The following PEX11G variants were observed in gnomAD, a reference collection of about 807,000 sequenced individuals.
PEX11G encodes the protein peroxisomal membrane protein 11C.
In PEX11G, 20 loss-of-function variants were observed where a neutral mutation model predicts 22.5. That is an observed-to-expected ratio of 0.89 (90% CI 0.62 to 1.29). The LOEUF (loss-of-function observed/expected upper bound fraction) is 1.29. PEX11G is among the 50% of genes most tolerant of loss of function. PEX11G has a pLI of 0.00. For synonymous variants in PEX11G, 141 were observed against 154.5 expected, an observed-to-expected ratio of 0.91 and a Z score of 0.65; for missense variants, 347 against 331.3, an observed-to-expected ratio of 1.05 and a Z score of -0.37.
At chr19:7,489,851 C>CTTTTTTTT (rs55711330), upstream of PEX11G, among the ~76,000 whole-genome samples, 2 of 143,858 alleles carry the variant, frequency 1.4e-5, no homozygotes, top group Non-Finnish European at 1.5e-5. Context: ...CTGGAGACGT[C>CTTTTTTTT]TTTTTTTTTT....
At chr19:7,488,245 C>T (rs2021752030) in intron 1 of PEX11G, among the ~76,000 whole-genome samples, 1 of 152,206 alleles carries the variant, frequency 6.6e-6, no homozygotes, top group African/African-American at 2.4e-5. Flanking sequence ...TGTTGGAACC[C>T]ATCGCTGCTT....
chr19:7,485,942 G>T lies in PEX11G; in HGVS notation c.145C>A (p.Leu49Met), dbSNP rs139507247. The T allele has an allele frequency of 6.2e-7, 1 of 1,613,416 alleles. No individual in the cohort carries two copies. Among genetic ancestry groups the T allele is most frequent in the East Asian group, 2.2e-5 (1 of 44,850 alleles). Residue 49 changes from leucine (L) to methionine (M), a missense_variant, in exon 2 of 5, where the codon CTG becomes ATG. Physicochemically the swap from Leu to Met is conservative, Grantham distance 15. Coordinates refer to ENST00000221480, the MANE Select transcript of PEX11G (RefSeq NM_080662.4). Reference protein sequence around the residue: ...CPARSEVGTRLLVVSTQLSHC... With the variant: ...CPARSEVGTRMLVVSTQLSHC... ...CTGAGTTGGGTGGACACCACCAACA[G>T]ACGTGTCCCCACTTCGGACCTGGCG...
intron 2 of PEX11G, among the ~76,000 whole-genome samples, chr19:7,484,645 T>C (rs2021553942): frequency 6.6e-6 from 1 of 151,322 alleles, no homozygotes; most frequent in African/African-American, 2.4e-5. Context: ...TGGTGGGGGG[T>C]GCCTGTAATC....
upstream of PEX11G, among the ~76,000 whole-genome samples, chr19:7,490,699 C>A (rs1049383493): frequency 8.3e-6 from 1 of 120,492 alleles, no homozygotes; most frequent in African/African-American, 3.3e-5. Context: ...CTGGGAGGAA[C>A]CAAATTTGTA....
chr19:7,480,465 C>T (rs1166365573), intron 3 of PEX11G, among the ~76,000 whole-genome samples: 3 of 152,130 alleles, frequency 2.0e-5, no homozygotes, highest in Non-Finnish European at 2.9e-5. Context: ...GCACAGACAC[C>T]GCTGCCTCCA....
Position 7,477,251 on chromosome 19 carries a change from A to G in PEX11G, c.677T>C (p.Met226Thr). The G allele has an allele frequency of 6.3e-7, 1 of 1,577,648 alleles. No homozygotes were observed. The highest frequency in any genetic ancestry group is 1.9e-5 in the Admixed American group (1 of 52,892). Residue 226 changes from methionine (M) to threonine (T), a missense_variant, in exon 5 of 5, where the codon ATG (methionine) becomes ACG (threonine). Transcript: ENST00000221480. ...LMGTISSILSMYQAARAGGQA... is the reference protein window; with the variant it reads ...LMGTISSILSTYQAARAGGQA... Reference sequence around the variant, plus strand: ...GCCGCCGGCCCGGGCCGCCTGGTACATGCTGAGGATTGAGGAGATGGTGCC... The same window carrying G: ...GCCGCCGGCCCGGGCCGCCTGGTACGTGCTGAGGATTGAGGAGATGGTGCC...
At chr19:7,486,928 T>C (rs374561750) in intron 1 of PEX11G, among the ~76,000 whole-genome samples, 14 of 152,140 alleles carry the variant, frequency 9.2e-5, no homozygotes, top group East Asian at 5.8e-4. Context: ...TAACAGGGCA[T>C]GGTGGTTACT....
chr19:7,492,499 A>C (rs942770439), upstream of PEX11G, among the ~76,000 whole-genome samples: 3 of 151,860 alleles, frequency 2.0e-5, no homozygotes, highest in African/African-American at 4.8e-5. Flanking sequence ...GCTGGAGTGC[A>C]GTGCTGATCT....
At chr19:7,489,109 G>C (rs1249148578), upstream of PEX11G, 1 of 1,329,052 alleles carries the variant, frequency 7.5e-7, no homozygotes, top group Non-Finnish European at 9.7e-7. Context: ...GCGCAGGCGC[G>C]GCCGCAGGCC....
At chr19:7,478,193 C>T in intron 4 of PEX11G, 121 bp downstream of exon 4, 1 of 1,048,642 alleles carries the variant, frequency 9.5e-7, no homozygotes. Context: ...GCTGTGATGA[C>T]TCCCCCATGA....
chr19:7,480,767 G>A (rs1282462486), intron 3 of PEX11G, among the ~76,000 whole-genome samples: 1 of 152,170 alleles, frequency 6.6e-6, no homozygotes, highest in Non-Finnish European at 1.5e-5. Flanking sequence ...GCCTGAGGCT[G>A]GGGGCAGCCG....
chr19:7,477,817 G>A (rs192691862), intron 4 of PEX11G, among the ~76,000 whole-genome samples: 19 of 152,322 alleles, frequency 1.2e-4, no homozygotes, highest in East Asian at 5.8e-4. Context: ...ACACAGTGAC[G>A]ATAAGCCTGG....
chr19:7,488,875 C>G, intron 1 of PEX11G, 76 bp downstream of exon 1: 1 of 1,480,386 alleles, frequency 6.8e-7, no homozygotes, highest in Admixed American at 2.0e-5. Flanking sequence ...ACCCCGTCCC[C>G]TCTCTGGCCC....
chr19:7,481,934 G>T (rs1010822701), intron 3 of PEX11G, 99 bp downstream of exon 3: 2 of 1,218,658 alleles, frequency 1.6e-6, no homozygotes, highest in Non-Finnish European at 1.1e-6. Flanking sequence ...AAGACCCACC[G>T]CAGTCTGAAG....
At position 7,487,603 on chromosome 19, in the gene PEX11G, G is replaced by C. The variant is rs569053118; in HGVS notation, c.60+1348C>G. On this transcript the variant is annotated intron_variant, in intron 1 of 4. Transcript: ENST00000221480. Reference sequence around the variant, plus strand: ...ACATCCGGCTAATTTTTGTATTTTAGTAGAGACGAGGTTTCATCACTTTTC... The same window carrying C: ...ACATCCGGCTAATTTTTGTATTTTACTAGAGACGAGGTTTCATCACTTTTC... Among the ~76,000 whole-genome samples, 4 of 152,160 alleles carry C rather than the reference G, an allele frequency of 2.6e-5. No individual in the cohort carries two copies. In the East Asian group the frequency reaches 5.8e-4, roughly 22 times the overall value.
intron 2 of PEX11G, among the ~76,000 whole-genome samples, chr19:7,483,040 C>A (rs1033687212): frequency 6.6e-6 from 1 of 152,282 alleles, no homozygotes; most frequent in South Asian, 2.1e-4. Context: ...GGGACTGGAG[C>A]CCCGCAGCCA....
chr19:7,485,266 G>A (rs1200813029), intron 2 of PEX11G, among the ~76,000 whole-genome samples: 1 of 152,190 alleles, frequency 6.6e-6, no homozygotes. Flanking sequence ...CACCTCCCAG[G>A]TTCAAGTGAT....
In PEX11G at chr19:7,478,357, TCAG is replaced by T; in HGVS notation, c.445_447del (p.Leu149del). 1 of 1,611,206 alleles carries T rather than the reference TCAG, an allele frequency of 6.2e-7. No homozygotes were observed. The highest frequency in any genetic ancestry group is 8.5e-7 in the Non-Finnish European group (1 of 1,179,452). On this transcript the variant is annotated inframe_deletion, in exon 4 of 5. Transcript: ENST00000221480. ...GGGCTCCGCAGCCTCTGTCTCAGTT[TCAG>T]CAGCATCCACAGGGACCTGCAGCAC...
At position 7,488,084 on chromosome 19, in the gene PEX11G, A is replaced by T. The variant is rs149751120; in HGVS notation, c.60+867T>A. ...ATAGGGAGAGTCTTGCAATATCCTA[A>T]ATCCCCACATGAGATTGTTTGGGAC... On this transcript the variant is annotated intron_variant, in intron 1 of 4. Transcript: ENST00000221480. 6.6e-5 allele frequency among the ~76,000 whole-genome samples: 10 copies of T among 152,306 alleles called. No homozygotes were observed. In the East Asian group the frequency reaches 1.2e-3, roughly 18 times the overall value.
Sources: gnomAD v4.1 joint callset for allele counts (sites outside exome capture counted in the v4.1 genomes callset) on GRCh38, gnomAD v4.1.1 for gene constraint, MANE v1.5 for transcripts, NCBI Gene and HGNC (gene_info 2026-07-23, HGNC 2026-07-21) for gene names.